GNL2: variants seen among roughly 807,000 people sequenced by gnomAD.
GNL2 encodes nucleolar GTP-binding protein 2.
In GNL2, 51 loss-of-function variants were observed where a neutral mutation model predicts 92.3. That is an observed-to-expected ratio of 0.55 (90% CI 0.44 to 0.70). The LOEUF (loss-of-function observed/expected upper bound fraction) is 0.70, where lower values mean the gene tolerates loss of function less well. Ranked by LOEUF, GNL2 falls within the 30% of genes least tolerant of loss-of-function variation. The pLI, the probability that GNL2 is intolerant of heterozygous loss-of-function variation, is 0.00. For synonymous variants in GNL2, 283 were observed against 300.6 expected, an observed-to-expected ratio of 0.94 and a Z score of 0.61; for missense variants, 844 against 895.6, an observed-to-expected ratio of 0.94 and a Z score of 0.74.
rs569343142 is a variant in GNL2, at chr1:37,567,368, G to C, written c.2043+305C>G. On this transcript the variant is annotated intron_variant, in intron 15 of 15. Coordinates refer to ENST00000373062, the MANE Select transcript of GNL2 (RefSeq NM_013285.3). ...CTCAGCTCCAAAGCTGTCCTTCACA[G>C]AAGTCAGTGATCTGCCCAAAGCAGA... Among the ~76,000 whole-genome samples, 4 of 152,320 alleles carry C rather than the reference G, an allele frequency of 2.6e-5. No homozygotes were observed. In the South Asian group the frequency reaches 8.3e-4, roughly 32 times the overall value.
At chr1:37,585,433 G>A (rs1209746753) in intron 5 of GNL2, among the ~76,000 whole-genome samples, 1 of 152,140 alleles carries the variant, frequency 6.6e-6, no homozygotes, top group Admixed American at 6.5e-5. Context: ...TAGGCAGTAT[G>A]TCACAGAGAA....
chr1:37,584,024 G>C, intron 5 of GNL2, 91 bp from the exon 6 acceptor site: 1 of 784,354 alleles, frequency 1.3e-6, no homozygotes, highest in South Asian at 1.4e-5. Flanking sequence ...AAAAAAAACA[G>C]TATCAAACCC....
intron 8 of GNL2, among the ~76,000 whole-genome samples, chr1:37,580,427 A>T (rs1643748502): frequency 6.6e-6 from 1 of 152,252 alleles, no homozygotes; most frequent in Admixed American, 6.5e-5. Flanking sequence ...TAGAATAAAG[A>T]TCTTAATAAA....
Position 37,582,759 on chromosome 1 carries a change from G to A in GNL2, c.795+19C>T. ...ACAGATGTCTTAATAGTCTATTCTG[G>A]TTTAGTAGTTGTACTTACTGTTGCC... On this transcript the variant is annotated intron_variant, in intron 7 of 15. Coordinates refer to ENST00000373062, the MANE Select transcript of GNL2 (RefSeq NM_013285.3). 1.3e-6 allele frequency: 2 copies of A among 1,593,756 alleles called. No homozygotes were observed. Among genetic ancestry groups the A allele is most frequent in the Non-Finnish European group, 1.7e-6 (2 of 1,165,880 alleles).
chr1:37,574,069 T>C (rs1323440555), intron 12 of GNL2, among the ~76,000 whole-genome samples: 2 of 152,070 alleles, frequency 1.3e-5, no homozygotes, highest in African/African-American at 4.8e-5. Context: ...ATTTTTGTAT[T>C]TTTAGTAGAG....
rs1643795047 is a variant in GNL2, at chr1:37,582,909, G to C, written c.664C>G (p.Gln222Glu). ...ATTGGATCTCTAGCATCAAGAACTT[G>C]AACTACAACATCTGATGAATCTATC... is the stretch of plus-strand genomic sequence containing the variant. ...KVIDSSDVVV[Q>E]VLDARDPMGT... The change falls in exon 7 of 16, where the codon CAA (glutamine) becomes GAA (glutamate). Residue 222 changes from glutamine to glutamate, a missense_variant. By Grantham distance (29) the Gln-to-Glu change is conservative. Coordinates refer to ENST00000373062, the MANE Select transcript of GNL2 (RefSeq NM_013285.3). The C allele has an allele frequency of 1.9e-6, 3 of 1,612,250 alleles. No homozygotes were observed. Among genetic ancestry groups the C allele is most frequent in the Non-Finnish European group, 1.7e-6 (2 of 1,178,866 alleles).
intron 12 of GNL2, among the ~76,000 whole-genome samples, chr1:37,571,998 C>T (rs1048378230): frequency 6.6e-6 from 1 of 152,090 alleles, no homozygotes; most frequent in Non-Finnish European, 1.5e-5. Context: ...ACAGAGCATA[C>T]TCCTGCCCCA....
intron 4 of GNL2, among the ~76,000 whole-genome samples, chr1:37,589,328 G>T (rs1253104255): frequency 4.6e-5 from 7 of 152,186 alleles, no homozygotes; most frequent in Admixed American, 2.0e-4. Flanking sequence ...TATTTGAGAC[G>T]GAGTCTTGCT....
intron 1 of GNL2, among the ~76,000 whole-genome samples, chr1:37,595,321 C>G (rs1442864475): frequency 6.6e-6 from 1 of 152,180 alleles, no homozygotes; most frequent in Non-Finnish European, 1.5e-5. Context: ...AGCACTTTAC[C>G]AGATAGAATA....
intron 15 of GNL2, 49 bp from the exon 16 acceptor site, chr1:37,567,056 G>A (rs2148125575): frequency 6.3e-7 from 1 of 1,582,328 alleles, no homozygotes; most frequent in South Asian, 1.1e-5. Flanking sequence ...ACAAAACCCT[G>A]AAAGTCATTC....
intron 2 of GNL2, 54 bp downstream of exon 2, chr1:37,593,708 T>G (rs1643901704): frequency 8.1e-7 from 1 of 1,231,350 alleles, no homozygotes; most frequent in Non-Finnish European, 1.2e-6. Context: ...CAGTCTCAGC[T>G]AGCAGTCAAG....
intron 8 of GNL2, among the ~76,000 whole-genome samples, chr1:37,580,645 C>T (rs1643752060): frequency 6.6e-6 from 1 of 152,192 alleles, no homozygotes; most frequent in African/African-American, 2.4e-5. Flanking sequence ...AAAGACGACG[C>T]TGCAGCAGCC....
chr1:37,573,701 T>C (rs941013734), intron 12 of GNL2, among the ~76,000 whole-genome samples: 3 of 152,232 alleles, frequency 2.0e-5, no homozygotes, highest in African/African-American at 7.2e-5. Context: ...GAAGATCACT[T>C]ACATTTAATG....
In GNL2 at chr1:37,582,433, T is replaced by C. The variant is rs191750971; in HGVS notation, c.796-97A>G. 1,091 of 691,662 alleles carry C rather than the reference T, an allele frequency of 1.6e-3. 14 individuals are homozygous for C. The African/African-American group carries it at 0.018, about 12-fold the overall frequency. The allele number at this position is 691,662 out of a possible 1,614,324, so 42.8% of individuals were successfully genotyped here. The stretch of plus-strand genomic sequence containing the variant: ...TTGAATTACAGAACTGTTTCAAATA[T>C]ACTGTTGTCTAAGGAAAATGTTAGC... On this transcript the variant is annotated intron_variant, in intron 7 of 15. Transcript: ENST00000373062.
Position 37,575,468 on chromosome 1 carries a change from C to A in GNL2, c.1143+127G>T. 1 of 563,216 alleles carries A rather than the reference C, an allele frequency of 1.8e-6. No individual in the cohort carries two copies. The highest frequency in any genetic ancestry group is 3.2e-6 in the Non-Finnish European group (1 of 314,332). The allele number at this position is 563,216 out of a possible 1,614,324, so 34.9% of individuals were successfully genotyped here. On this transcript the variant is annotated intron_variant, in intron 10 of 15. Coordinates refer to ENST00000373062, the MANE Select transcript of GNL2 (RefSeq NM_013285.3). The surrounding 1 kb of genome is among the most constrained non-coding windows in gnomAD (Gnocchi z 4.1). ...AGAGGCTGCTGTTCAGCATCATGTT[C>A]CTAAAGTTTGGTCAGACAGGCTGAC...
At chr1:37,589,874 A>G (rs1387624517) in intron 4 of GNL2, among the ~76,000 whole-genome samples, 2 of 152,218 alleles carry the variant, frequency 1.3e-5, no homozygotes, top group Non-Finnish European at 2.9e-5. Flanking sequence ...AGGATCTCAC[A>G]AAAGCTGAAC....
chr1:37,575,605 A>G lies in GNL2; in HGVS notation c.1133T>C (p.Leu378Pro). The change falls in exon 10 of 16, where the codon CTA (leucine) becomes CCA (proline). Residue 378 changes from leucine (L) to proline (P), a missense_variant. Physicochemically the swap from Leu to Pro is moderately conservative, Grantham distance 98. Transcript: ENST00000373062. This position sits in a 1 kb window ranked among gnomAD's most constrained non-coding sequence, Gnocchi z 4.1. The stretch of plus-strand genomic sequence containing the variant: ...GGGCCAAATACTCACAACTCCTTTT[A>G]GCACAATGTCTGTCTCGGAGTCCTC... ...PSEDSETDIV[L>P]KGVVQVEKIK... 1.3e-6 allele frequency: 2 copies of G among 1,582,174 alleles called. No homozygotes were observed. Among genetic ancestry groups the G allele is most frequent in the Non-Finnish European group, 1.7e-6 (2 of 1,166,346 alleles).
intron 12 of GNL2, 138 bp from the exon 13 acceptor site, chr1:37,569,440 T>G (rs1643562214): frequency 1.6e-6 from 1 of 614,424 alleles, no homozygotes; most frequent in African/African-American, 1.8e-5. Flanking sequence ...TTTGAGTCAT[T>G]TCATTAATGT....
At chr1:37,572,734 CCTT>C (rs936137790) in intron 12 of GNL2, among the ~76,000 whole-genome samples, 1 of 152,124 alleles carries the variant, frequency 6.6e-6, no homozygotes, top group African/African-American at 2.4e-5. Context: ...TTCTGGGAGT[CCTT>C]CTGGCAAATT....
Sources: allele counts gnomAD v4.1 joint callset (sites outside exome capture counted in the v4.1 genomes callset), GRCh38; gene constraint gnomAD v4.1.1; non-coding constraint Gnocchi (gnomAD v3.1); transcripts MANE v1.5; gene names NCBI Gene and HGNC (gene_info 2026-07-23, HGNC 2026-07-21).